ATG5: variants seen among roughly 807,000 people sequenced by gnomAD.
ATG5 encodes autophagy related 5.
Under a neutral mutation model 36.5 loss-of-function variants are expected in ATG5, and 14 were observed. The observed-to-expected ratio is 0.38, with a 90% CI of 0.25 to 0.60. The LOEUF (loss-of-function observed/expected upper bound fraction) is 0.60, where lower values mean the gene tolerates loss of function less well. ATG5 is among the 20% of genes least tolerant of loss of function. The pLI is 0.60. For missense variants in ATG5, 195 were observed against 326.7 expected (o/e 0.60, Z 3.11); for synonymous variants, 95 against 101.5 (o/e 0.94, Z 0.38).
chr6:106,218,628 A>G (rs753714087), intron 6 of ATG5, among the ~76,000 whole-genome samples: 3 of 135,278 alleles, frequency 2.2e-5, no homozygotes, highest in Non-Finnish European at 4.9e-5. Flanking sequence ...TTTGAAAGCC[A>G]CTCTACCCTG....
chr6:106,321,549 G>A (rs1372794851), intron 1 of ATG5, among the ~76,000 whole-genome samples: 8 of 151,922 alleles, frequency 5.3e-5, no homozygotes, highest in Admixed American at 1.3e-4. Flanking sequence ...TAGTAGAGAC[G>A]GGATTTCACC....
chr6:106,317,446 A>G (rs1467269908), intron 1 of ATG5, among the ~76,000 whole-genome samples: 1 of 152,188 alleles, frequency 6.6e-6, no homozygotes, highest in Non-Finnish European at 1.5e-5. Flanking sequence ...AAGATGGTAT[A>G]AATTAATTAG....
At chr6:106,209,317 T>C (rs148359183) in intron 6 of ATG5, among the ~76,000 whole-genome samples, 18 of 152,310 alleles carry the variant, frequency 1.2e-4, no homozygotes, top group Middle Eastern at 3.4e-3. Flanking sequence ...CTGACTGTAA[T>C]AGGTCTGTCC....
At position 106,325,531 on chromosome 6, in the gene ATG5, T is replaced by G. The variant is rs1395071489; in HGVS notation, c.-64A>C. Reference sequence around the variant, plus strand: ...AGGTGGACACACACACGTACCCTACTCCAAGCTATGGCTCCTCCTTCCGGC... The same window carrying G: ...AGGTGGACACACACACGTACCCTACGCCAAGCTATGGCTCCTCCTTCCGGC... On this transcript the variant is annotated 5_prime_UTR_variant, in exon 1 of 8. Coordinates refer to ENST00000369076, the MANE Select transcript of ATG5 (RefSeq NM_004849.4). 6.5e-6 allele frequency: 1 copy of G among 152,712 alleles called. No homozygotes were observed. Among genetic ancestry groups the G allele is most frequent in the Non-Finnish European group, 1.5e-5 (1 of 68,156 alleles). 9.5% of individuals were successfully genotyped at this position (152,712 alleles called of 1,614,324 possible). A position where few individuals can be genotyped will look rare whatever the true frequency, so the allele number is the denominator to read the frequency against.
At chr6:106,295,605 C>T (rs1769891750) in intron 3 of ATG5, among the ~76,000 whole-genome samples, 1 of 151,030 alleles carries the variant, frequency 6.6e-6, no homozygotes, top group Non-Finnish European at 1.5e-5. Flanking sequence ...ACTCTGTAAC[C>T]TAGGCTGGAG....
intron 4 of ATG5, among the ~76,000 whole-genome samples, chr6:106,287,378 AT>A (rs1582656245): frequency 6.6e-6 from 1 of 152,320 alleles, no homozygotes; most frequent in East Asian, 1.9e-4. Flanking sequence ...GCAAAACAGG[AT>A]TTGCCTGCTG....
At chr6:106,313,902 A>G (rs1770746592) in intron 2 of ATG5, among the ~76,000 whole-genome samples, 1 of 152,162 alleles carries the variant, frequency 6.6e-6, no homozygotes, top group African/African-American at 2.4e-5. Flanking sequence ...AAATAGCAAA[A>G]TTTGGATTGT....
At chr6:106,204,564 AATCCCCAT>A (rs1159528973) in intron 6 of ATG5, among the ~76,000 whole-genome samples, 5 of 152,190 alleles carry the variant, frequency 3.3e-5, no homozygotes, top group East Asian at 1.9e-4. Context: ...GAGGGACTGT[AATCCCCAT>A]GTGTCGAGGG....
chr6:106,294,846 A>C (rs933108781), intron 3 of ATG5, among the ~76,000 whole-genome samples: 2 of 119,974 alleles, frequency 1.7e-5, no homozygotes, highest in African/African-American at 7.2e-5. Flanking sequence ...TTTTCTCAAG[A>C]AAAAAAAAAA....
intron 5 of ATG5, among the ~76,000 whole-genome samples, chr6:106,263,736 C>T (rs1032931036): frequency 3.9e-5 from 6 of 152,228 alleles, no homozygotes; most frequent in East Asian, 3.9e-4. Context: ...GGACTTCCAG[C>T]AAACTGCAGC....
At chr6:106,193,764 TCAA>T (rs1467197108) in intron 7 of ATG5, among the ~76,000 whole-genome samples, 1 of 152,212 alleles carries the variant, frequency 6.6e-6, no homozygotes, top group African/African-American at 2.4e-5. Context: ...ACAGAATAGC[TCAA>T]CTTACTTGCT....
chr6:106,232,029 A>T (rs772084566), intron 6 of ATG5, among the ~76,000 whole-genome samples: 10 of 152,212 alleles, frequency 6.6e-5, no homozygotes, highest in Non-Finnish European at 1.3e-4. Context: ...GTGTCAAGGG[A>T]ATCACTGTAA....
intron 6 of ATG5, 169 bp from the exon 7 acceptor site, chr6:106,202,258 T>G (rs570223453): frequency 4.1e-6 from 2 of 482,960 alleles, no homozygotes; most frequent in Non-Finnish European, 7.3e-6. Context: ...TTTAACATGA[T>G]AAATTCAGGT....
intron 6 of ATG5, among the ~76,000 whole-genome samples, chr6:106,234,865 A>G (rs990631176): frequency 2.2e-4 from 34 of 152,200 alleles, no homozygotes; most frequent in African/African-American, 8.2e-4. Flanking sequence ...CTCCCTGGTC[A>G]CCTTGCAAGA....
At chr6:106,262,493 A>G (rs545928200) in intron 5 of ATG5, among the ~76,000 whole-genome samples, 1 of 152,352 alleles carries the variant, frequency 6.6e-6, no homozygotes, top group South Asian at 2.1e-4. Flanking sequence ...AAAAGTAAGT[A>G]CATCTAAAGT....
chr6:106,187,433 A>C (rs1022145134), intron 7 of ATG5, among the ~76,000 whole-genome samples: 3 of 152,158 alleles, frequency 2.0e-5, no homozygotes, highest in African/African-American at 7.2e-5. Flanking sequence ...GACAACTTTT[A>C]AAGTAAATAT....
At chr6:106,223,920 G>C (rs1582571415) in intron 6 of ATG5, among the ~76,000 whole-genome samples, 1 of 152,192 alleles carries the variant, frequency 6.6e-6, no homozygotes, top group Non-Finnish European at 1.5e-5. Context: ...AAATGAGGAG[G>C]TTAAATTAGT....
intron 4 of ATG5, among the ~76,000 whole-genome samples, chr6:106,287,325 AG>A (rs1228956661): frequency 1.3e-5 from 2 of 152,244 alleles, no homozygotes; most frequent in Non-Finnish European, 2.9e-5. Context: ...AAAATACTCA[AG>A]GAACAGTCAG....
At chr6:106,303,198 A>G (rs1161241047) in intron 3 of ATG5, among the ~76,000 whole-genome samples, 1 of 152,090 alleles carries the variant, frequency 6.6e-6, no homozygotes, top group Non-Finnish European at 1.5e-5. Flanking sequence ...AAAATAAGTA[A>G]AATTGGTAAA....
Sources: gnomAD v4.1 joint callset for allele counts (sites outside exome capture counted in the v4.1 genomes callset) on GRCh38, gnomAD v4.1.1 for gene constraint, MANE v1.5 for transcripts, NCBI Gene and HGNC (gene_info 2026-07-23, HGNC 2026-07-21) for gene names.